The following POM121L12 variants were observed in gnomAD, a reference collection of about 807,000 sequenced individuals.
POM121L12 encodes POM121-like protein 12.
For synonymous variants in POM121L12, 251 were observed against 179.2 expected (o/e 1.40, Z -3.20); for missense variants, 553 against 409.2 (o/e 1.35, Z -3.03).
In POM121L12 at chr7:53,036,378, T is replaced by C. The variant is rs1267207167; in HGVS notation, c.707T>C (p.Leu236Pro). 1.2e-6 allele frequency: 2 copies of C among 1,613,680 alleles called. No individual in the cohort carries two copies. Among genetic ancestry groups the C allele is most frequent in the Non-Finnish European group, 1.7e-6 (2 of 1,179,878 alleles). ...TCCTTCGTGCCCAGGCCAGGGCCTC[T>C]GAAGCCGAGCCTCGGCCCCTGGAGC... ...VASFVPRPGPLKPSLGPWSLS... is the reference protein window; with the variant it reads ...VASFVPRPGPPKPSLGPWSLS... Residue 236 changes from leucine to proline, a missense_variant, in exon 1 of 1, where the codon CTG (leucine) becomes CCG (proline). Transcript: ENST00000408890.
rs1411868620 is a variant in POM121L12 at position 53,035,888 on chromosome 7, C to T, written c.217C>T (p.Pro73Ser). The T allele has an allele frequency of 6.2e-7, 1 of 1,613,268 alleles. No individual in the cohort carries two copies. Among genetic ancestry groups the T allele is most frequent in the Non-Finnish European group, 8.5e-7 (1 of 1,179,814 alleles). The change falls in exon 1 of 1, where the codon CCC (proline) becomes TCC (serine). Residue 73 changes from proline (P) to serine (S), a missense_variant. Coordinates refer to ENST00000408890, the MANE Select transcript of POM121L12 (RefSeq NM_182595.4). Reference protein sequence around the residue: ...IQYFQWGRPVPSTHLIEVRPT... With the variant: ...IQYFQWGRPVSSTHLIEVRPT... ...GTACTTCCAGTGGGGGCGCCCGGTG[C>T]CCAGCACCCACCTCATCGAGGTGCG...
chr7:53,036,309 G>A lies in POM121L12; in HGVS notation c.638G>A (p.Arg213Gln), dbSNP rs534452866. 3.1e-6 allele frequency: 5 copies of A among 1,614,020 alleles called. No homozygotes were observed. The highest frequency in any genetic ancestry group is 2.7e-5 in the African/African-American group (2 of 75,042). Residue 213 changes from arginine (R) to glutamine (Q), a missense_variant, in exon 1 of 1, where the codon CGG becomes CAG. Coordinates refer to ENST00000408890, the MANE Select transcript of POM121L12 (RefSeq NM_182595.4). ...SKGGRRNLQP[R>Q]PSAFKPLSKN... is the part of the protein sequence containing the mutation. ...GGTGGCAGGCGGAACCTGCAGCCCC[G>A]GCCCTCTGCCTTCAAGCCCCTGAGC...
Position 53,036,133 on chromosome 7 carries a change from T to C in POM121L12, c.462T>C (p.Pro154=), listed in dbSNP as rs1290992545. The change falls in exon 1 of 1, where the codon CCT becomes CCC. Residue 154 remains proline (P), a synonymous_variant. Transcript: ENST00000408890. ...PERQESPWRS[P]GQRARPAGRP... is the part of the protein sequence containing the mutation. ...GTCAGGAGAGCCCCTGGAGATCCCC[T>C]GGACAGAGAGCCCGCCCCGCAGGCC... 6 of 1,611,030 alleles carry C rather than the reference T, an allele frequency of 3.7e-6. No homozygotes were observed. Among genetic ancestry groups the C allele is most frequent in the Non-Finnish European group, 4.2e-6 (5 of 1,179,554 alleles).
chr7:53,036,376 T>G lies in POM121L12; in HGVS notation c.705T>G (p.Pro235=). The change falls in exon 1 of 1, where the codon CCT becomes CCG. Residue 235 remains proline (P), a synonymous_variant. Coordinates refer to ENST00000408890, the MANE Select transcript of POM121L12 (RefSeq NM_182595.4). Reference sequence around the variant, plus strand: ...CTTCCTTCGTGCCCAGGCCAGGGCCTCTGAAGCCGAGCCTCGGCCCCTGGA... The same window carrying G: ...CTTCCTTCGTGCCCAGGCCAGGGCCGCTGAAGCCGAGCCTCGGCCCCTGGA... The part of the protein sequence containing the change: ...AVASFVPRPG[P]LKPSLGPWSL... 6.2e-7 allele frequency: 1 copy of G among 1,613,614 alleles called. No homozygotes were observed.
Position 53,036,133 on chromosome 7 carries a change from T to A in POM121L12, c.462T>A (p.Pro154=). ...PERQESPWRS[P]GQRARPAGRP... Reference sequence around the variant, plus strand: ...GTCAGGAGAGCCCCTGGAGATCCCCTGGACAGAGAGCCCGCCCCGCAGGCC... The same window carrying A: ...GTCAGGAGAGCCCCTGGAGATCCCCAGGACAGAGAGCCCGCCCCGCAGGCC... Residue 154 remains proline (P), a synonymous_variant, in exon 1 of 1, where the codon CCT becomes CCA. Coordinates refer to ENST00000408890, the MANE Select transcript of POM121L12 (RefSeq NM_182595.4). 6.2e-7 allele frequency: 1 copy of A among 1,611,148 alleles called. No individual in the cohort carries two copies. The highest frequency in any genetic ancestry group is 8.5e-7 in the Non-Finnish European group (1 of 1,179,546).
Position 53,035,715 on chromosome 7 carries a change from T to A in POM121L12, c.44T>A (p.Phe15Tyr). 1 of 1,610,258 alleles carries A rather than the reference T, an allele frequency of 6.2e-7. No homozygotes were observed. Among genetic ancestry groups the A allele is most frequent in the Non-Finnish European group, 8.5e-7 (1 of 1,178,646 alleles). Residue 15 changes from phenylalanine (F) to tyrosine (Y), a missense_variant, in exon 1 of 1, where the codon TTC (phenylalanine) becomes TAC (tyrosine). Phe to Tyr is a conservative substitution (Grantham distance 22). Coordinates refer to ENST00000408890, the MANE Select transcript of POM121L12 (RefSeq NM_182595.4). ...APAESADLGNFWKAGEPLLQG... is the reference protein window; with the variant it reads ...APAESADLGNYWKAGEPLLQG... ...GCCGAGTCCGCAGACCTCGGGAACT[T>A]CTGGAAGGCGGGAGAACCCCTGCTG...
rs538410274 is a variant in POM121L12, at chr7:53,036,052, C to G, written c.381C>G (p.Ala127=). 3.1e-6 allele frequency: 5 copies of G among 1,613,132 alleles called. No homozygotes were observed. The East Asian group carries it at 1.1e-4, about 36-fold the overall frequency. Residue 127 remains alanine (A), a synonymous_variant, in exon 1 of 1, where the codon GCC becomes GCG. Coordinates refer to ENST00000408890, the MANE Select transcript of POM121L12 (RefSeq NM_182595.4). ...EGCMKGGLCR[A]WNPGRTWSPV... ...GCATGAAAGGGGGGCTGTGTCGTGC[C>G]TGGAACCCAGGACGGACCTGGAGCC...
chr7:53,035,988 C>A lies in POM121L12; in HGVS notation c.317C>A (p.Thr106Asn). 1 of 1,612,706 alleles carries A rather than the reference C, an allele frequency of 6.2e-7. No individual in the cohort carries two copies. The highest frequency in any genetic ancestry group is 8.5e-7 in the Non-Finnish European group (1 of 1,179,578). Reference sequence around the variant, plus strand: ...AGGCGCCCTGCCCTTCCCGGGGAGACCGCTCTGGGGCGAGACCTCTCCTGT... The same window carrying A: ...AGGCGCCCTGCCCTTCCCGGGGAGAACGCTCTGGGGCGAGACCTCTCCTGT... Reference protein sequence around the residue: ...GWRRPALPGETALGRDLSCAW... With the variant: ...GWRRPALPGENALGRDLSCAW... Residue 106 changes from threonine to asparagine, a missense_variant, in exon 1 of 1, where the codon ACC becomes AAC. Transcript: ENST00000408890.
rs1205154470 is a variant in POM121L12 at position 53,036,512 on chromosome 7, G to A, written c.841G>A (p.Val281Ile). 6.2e-7 allele frequency: 1 copy of A among 1,613,698 alleles called. No homozygotes were observed. The highest frequency in any genetic ancestry group is 1.1e-5 in the South Asian group (1 of 91,052). The change falls in exon 1 of 1, where the codon GTC (valine) becomes ATC (isoleucine). Residue 281 changes from valine to isoleucine, a missense_variant. Val to Ile is a conservative substitution (Grantham distance 29, BLOSUM62 3). Transcript: ENST00000408890. ...GCCTTCCTGCGGCAGCTGCAGTAGG[G>A]TCTCCTTCGCCCTCGAGGTCACCCA... The part of the protein sequence containing the change: ...TTPSCGSCSR[V>I]SFALEVTQSA...
chr7:53,036,369 C>T lies in POM121L12; in HGVS notation c.698C>T (p.Pro233Leu), dbSNP rs751108331. 1 of 1,613,614 alleles carries T rather than the reference C, an allele frequency of 6.2e-7. No homozygotes were observed. Among genetic ancestry groups the T allele is most frequent in the Non-Finnish European group, 8.5e-7 (1 of 1,179,902 alleles). The change falls in exon 1 of 1, where the codon CCA becomes CTA. Residue 233 changes from proline to leucine, a missense_variant. By Grantham distance (98) the Pro-to-Leu change is moderately conservative. Transcript: ENST00000408890. Reference sequence around the variant, plus strand: ...GCGGTTGCTTCCTTCGTGCCCAGGCCAGGGCCTCTGAAGCCGAGCCTCGGC... The same window carrying T: ...GCGGTTGCTTCCTTCGTGCCCAGGCTAGGGCCTCTGAAGCCGAGCCTCGGC... ...NGAVASFVPR[P>L]GPLKPSLGPW... is the part of the protein sequence containing the mutation.
Position 53,036,097 on chromosome 7 carries a change from G to T in POM121L12, c.426G>T (p.Ala142=). Residue 142 remains alanine, a synonymous_variant, in exon 1 of 1, where the codon GCG becomes GCT. Coordinates refer to ENST00000408890, the MANE Select transcript of POM121L12 (RefSeq NM_182595.4). The part of the protein sequence containing the change: ...RTWSPVTIGI[A]PPERQESPWR... ...GGAGCCCGGTGACCATCGGGATCGC[G>T]CCCCCTGAGCGTCAGGAGAGCCCCT... is the stretch of plus-strand genomic sequence containing the variant. 6.2e-7 allele frequency: 1 copy of T among 1,612,176 alleles called. No individual in the cohort carries two copies. Among genetic ancestry groups the T allele is most frequent in the Non-Finnish European group, 8.5e-7 (1 of 1,179,796 alleles).
chr7:53,035,675 G>A lies in POM121L12; in HGVS notation c.4G>A (p.Gly2Ser), dbSNP rs1307008333. The A allele has an allele frequency of 7.0e-6, 11 of 1,570,398 alleles. No individual in the cohort carries two copies. The African/African-American group carries it at 1.2e-4, about 17-fold the overall frequency. Residue 2 changes from glycine (G) to serine (S), a missense_variant, in exon 1 of 1, where the codon GGC becomes AGC. Physicochemically the swap from Gly to Ser is moderately conservative, Grantham distance 56. Coordinates refer to ENST00000408890, the MANE Select transcript of POM121L12 (RefSeq NM_182595.4). ...AGAGGCCAACGGTCCCCCAGCCATG[G>A]GCGCTGCAGCTCCGGCCGAGTCCGC... M[G>S]AAAPAESADL... is the part of the protein sequence containing the mutation.
chr7:53,036,032 A>G lies in POM121L12; in HGVS notation c.361A>G (p.Lys121Glu). 1 of 1,613,046 alleles carries G rather than the reference A, an allele frequency of 6.2e-7. No homozygotes were observed. Among genetic ancestry groups the G allele is most frequent in the Non-Finnish European group, 8.5e-7 (1 of 1,179,828 alleles). The part of the protein sequence containing the change: ...DLSCAWEGCM[K>E]GGLCRAWNPG... ...CTCCTGTGCCTGGGAGGGTTGCATG[A>G]AAGGGGGGCTGTGTCGTGCCTGGAA... Residue 121 changes from lysine (K) to glutamate (E), a missense_variant, in exon 1 of 1, where the codon AAA becomes GAA. Transcript: ENST00000408890.
Position 53,036,244 on chromosome 7 carries a change from G to A in POM121L12, c.573G>A (p.Arg191=). The A allele has an allele frequency of 1.9e-6, 3 of 1,613,944 alleles. No individual in the cohort carries two copies. Among genetic ancestry groups the A allele is most frequent in the Non-Finnish European group, 2.5e-6 (3 of 1,179,968 alleles). ...ALSQCPKGSA[R]FDGPLWFEVS... ...GCCAGTGCCCCAAGGGAAGCGCTAG[G>A]TTCGACGGGCCGTTGTGGTTCGAGG... is the stretch of plus-strand genomic sequence containing the variant. Residue 191 remains arginine (R), a synonymous_variant, in exon 1 of 1, where the codon AGG becomes AGA. Transcript: ENST00000408890.
chr7:53,035,852 A>G lies in POM121L12; in HGVS notation c.181A>G (p.Ser61Gly). ...CTGGCCCCTGAGGTCCCTGACTCAG[A>G]GCCATATTCAGTACTTCCAGTGGGG... ...SPWPLRSLTQ[S>G]HIQYFQWGRP... Residue 61 changes from serine to glycine, a missense_variant, in exon 1 of 1, where the codon AGC becomes GGC. Transcript: ENST00000408890. The G allele has an allele frequency of 1.2e-6, 2 of 1,613,506 alleles. No homozygotes were observed. Among genetic ancestry groups the G allele is most frequent in the Non-Finnish European group, 1.7e-6 (2 of 1,179,804 alleles).
At position 53,035,648 on chromosome 7, in the gene POM121L12, C is replaced by T; in HGVS notation, c.-24C>T. ...CATGTCCTTCGTGCCTTCCAAGCGC[C>T]CAGAGGCCAACGGTCCCCCAGCCAT... On this transcript the variant is annotated 5_prime_UTR_variant, in exon 1 of 1. Coordinates refer to ENST00000408890, the MANE Select transcript of POM121L12 (RefSeq NM_182595.4). 6.5e-7 allele frequency: 1 copy of T among 1,528,842 alleles called. No homozygotes were observed. The allele number at this position is 1,528,842 out of a possible 1,614,324, so 94.7% of individuals were successfully genotyped here. A position where few individuals can be genotyped will look rare whatever the true frequency, so the allele number is the denominator to read the frequency against.
At position 53,036,141 on chromosome 7, in the gene POM121L12, G is replaced by T. The variant is rs199630026; in HGVS notation, c.470G>T (p.Arg157Ile). 52 of 1,611,130 alleles carry T rather than the reference G, an allele frequency of 3.2e-5. No individual in the cohort carries two copies. Among genetic ancestry groups the T allele is most frequent in the Admixed American group, 6.7e-5 (4 of 59,970 alleles). The change falls in exon 1 of 1, where the codon AGA becomes ATA. Residue 157 changes from arginine to isoleucine, a missense_variant. Physicochemically the swap from Arg to Ile is moderately conservative, Grantham distance 97. Transcript: ENST00000408890. ...QESPWRSPGQRARPAGRPAAQ... is the reference protein window; with the variant it reads ...QESPWRSPGQIARPAGRPAAQ... ...AGCCCCTGGAGATCCCCTGGACAGA[G>T]AGCCCGCCCCGCAGGCCGCCCCGCC...
rs74353811 is a variant in POM121L12 at position 53,036,546 on chromosome 7, G to A, written c.875G>A (p.Gly292Asp). The part of the protein sequence containing the change: ...SFALEVTQSA[G>D]PFGS ...GCCCTCGAGGTCACCCAGTCTGCTGGCCCCTTTGGCTCCTAAGAATCTGGG... is the reference window on the plus strand; with the variant it reads ...GCCCTCGAGGTCACCCAGTCTGCTGACCCCTTTGGCTCCTAAGAATCTGGG... Residue 292 changes from glycine to aspartate, a missense_variant, in exon 1 of 1, where the codon GGC becomes GAC. Coordinates refer to ENST00000408890, the MANE Select transcript of POM121L12 (RefSeq NM_182595.4). 4.3e-4 allele frequency: 697 copies of A among 1,608,318 alleles called. 1 individual carries two copies. The African/African-American group carries it at 8.4e-3, about 19-fold the overall frequency.
rs754080023 is a variant in POM121L12 at position 53,035,682 on chromosome 7, C to G, written c.11C>G (p.Ala4Gly). Residue 4 changes from alanine (A) to glycine (G), a missense_variant, in exon 1 of 1, where the codon GCA becomes GGA. Physicochemically the swap from Ala to Gly is moderately conservative, Grantham distance 60. Transcript: ENST00000408890. ...AACGGTCCCCCAGCCATGGGCGCTG[C>G]AGCTCCGGCCGAGTCCGCAGACCTC... MGA[A>G]APAESADLGN... 15 of 1,581,160 alleles carry G rather than the reference C, an allele frequency of 9.5e-6. No individual in the cohort carries two copies. In the African/African-American group the frequency reaches 2.0e-4, roughly 21 times the overall value.
Sources: gnomAD v4.1 joint callset for allele counts on GRCh38, gnomAD v4.1.1 for gene constraint, MANE v1.5 for transcripts, NCBI Gene and HGNC (gene_info 2026-07-23, HGNC 2026-07-21) for gene names.